PYGB: variants seen among roughly 807,000 people sequenced by gnomAD.
The protein encoded by PYGB is glycogen phosphorylase, brain form.
In PYGB, 82 loss-of-function variants were observed where a neutral mutation model predicts 94.3. The ratio of observed to expected loss-of-function variants is 0.87; its 90% CI spans 0.73 to 1.04. The LOEUF (loss-of-function observed/expected upper bound fraction) is 1.04. Ranked by LOEUF, PYGB falls within the 50% of genes least tolerant of loss-of-function variation. PYGB has a pLI of 0.00. For synonymous variants in PYGB, 488 were observed against 479.1 expected (o/e 1.02, Z -0.24); for missense variants, 1,132 against 1,158.2 (o/e 0.98, Z 0.33).
intron 1 of PYGB, among the ~76,000 whole-genome samples, 174 bp downstream of exon 1, chr20:25,248,595 C>A (rs2273473): frequency 6.6e-6 from 1 of 151,816 alleles, no homozygotes; most frequent in Non-Finnish European, 1.5e-5. Context: ...GTCGGCGGGG[C>A]CCGGGCGTCC....
At chr20:25,269,922 C>T (rs1199476608) in intron 3 of PYGB, among the ~76,000 whole-genome samples, 1 of 152,198 alleles carries the variant, frequency 6.6e-6, no homozygotes, top group African/African-American at 2.4e-5. Context: ...CTCCCTCCAT[C>T]CTTCTCCATG....
At chr20:25,289,655 GAAAA>G (rs376975502) in intron 15 of PYGB, among the ~76,000 whole-genome samples, 1 of 145,738 alleles carries the variant, frequency 6.9e-6, no homozygotes, top group Non-Finnish European at 1.5e-5. Flanking sequence ...GCAAAAAAAA[GAAAA>G]AAAAAAGAAG....
intron 2 of PYGB, among the ~76,000 whole-genome samples, chr20:25,261,890 A>T (rs563635153): frequency 6.6e-6 from 1 of 152,242 alleles, no homozygotes; most frequent in East Asian, 1.9e-4. Flanking sequence ...GTGATTGAAG[A>T]TCAAATGAAT....
chr20:25,266,321 GT>G (rs1437199290), intron 2 of PYGB, among the ~76,000 whole-genome samples: 2 of 151,848 alleles, frequency 1.3e-5, no homozygotes, highest in African/African-American at 4.8e-5. Context: ...TCAACAAATG[GT>G]ATTGGGATAT....
At chr20:25,288,120 A>G in intron 14 of PYGB, 1 of 505,044 alleles carries the variant, frequency 2.0e-6, no homozygotes, top group Non-Finnish European at 3.6e-6. Context: ...GCCCCGGGGA[A>G]TAGCATCTTT....
At chr20:25,262,792 CA>C (rs967844777) in intron 2 of PYGB, among the ~76,000 whole-genome samples, 8 of 150,992 alleles carry the variant, frequency 5.3e-5, no homozygotes, top group South Asian at 2.1e-4. Context: ...AAATGGAAAA[CA>C]AAAAAAAGCA....
chr20:25,274,739 T>G lies in PYGB; in HGVS notation c.660+16T>G. 1 of 1,609,536 alleles carries G rather than the reference T, an allele frequency of 6.2e-7. No individual in the cohort carries two copies. The highest frequency in any genetic ancestry group is 8.5e-7 in the Non-Finnish European group (1 of 1,178,842). On this transcript the variant is annotated intron_variant, in intron 5 of 19. Transcript: ENST00000216962. ...GGACACACAGGTACCTGGGCTGAAA[T>G]GTCTGCGGGCAAGGCTGGAGCCAGG...
intron 14 of PYGB, among the ~76,000 whole-genome samples, chr20:25,286,740 T>G (rs1377030120): frequency 6.6e-6 from 1 of 152,142 alleles, no homozygotes; most frequent in Non-Finnish European, 1.5e-5. Context: ...GAGAGGCGCT[T>G]GCCCAAACCT....
At chr20:25,281,182 C>A (rs1310569210) in intron 11 of PYGB, 70 bp downstream of exon 11, 2 of 1,565,854 alleles carry the variant, frequency 1.3e-6, no homozygotes, top group Non-Finnish European at 8.7e-7. Flanking sequence ...GGACCATCCA[C>A]CAAACACATG....
At chr20:25,277,457 G>T (rs765751839) in intron 7 of PYGB, 131 bp downstream of exon 7, 2 of 778,442 alleles carry the variant, frequency 2.6e-6, no homozygotes, top group African/African-American at 3.5e-5. Context: ...TGGCCCTCTC[G>T]CCTTAGGTGC....
At chr20:25,258,437 A>G (rs1030761342) in intron 1 of PYGB, among the ~76,000 whole-genome samples, 2 of 152,268 alleles carry the variant, frequency 1.3e-5, no homozygotes, top group African/African-American at 4.8e-5. Context: ...AAAACCACCA[A>G]AGCAATTAGT....
At chr20:25,293,239 G>A (rs1011927317) in intron 17 of PYGB, among the ~76,000 whole-genome samples, 3 of 151,980 alleles carry the variant, frequency 2.0e-5, no homozygotes, top group African/African-American at 4.8e-5. Context: ...GCGCCCCTCC[G>A]TTGGCTGCAC....
intron 11 of PYGB, 121 bp downstream of exon 11, chr20:25,281,233 TGCC>T: frequency 7.5e-7 from 1 of 1,326,834 alleles, no homozygotes; most frequent in South Asian, 1.4e-5. Context: ...ACTAGGCCCC[TGCC>T]TCCATAGGAA....
intron 16 of PYGB, 89 bp from the exon 17 acceptor site, chr20:25,292,317 T>C (rs1356993525): frequency 1.4e-6 from 2 of 1,461,218 alleles, no homozygotes; most frequent in Admixed American, 1.7e-5. Flanking sequence ...CAGCCCCGGG[T>C]GGATGGGCCG....
chr20:25,290,742 C>A, intron 16 of PYGB, 120 bp downstream of exon 16: 1 of 1,398,156 alleles, frequency 7.2e-7, no homozygotes, highest in Non-Finnish European at 9.9e-7. Context: ...CAGACCTAGC[C>A]AGCCGGGCTG....
intron 4 of PYGB, among the ~76,000 whole-genome samples, chr20:25,271,961 G>A (rs1163828701): frequency 6.6e-6 from 1 of 152,230 alleles, no homozygotes. Context: ...TGAGGGGACA[G>A]TGTCCTTGGG....
chr20:25,264,081 T>C (rs560605601), intron 2 of PYGB, among the ~76,000 whole-genome samples: 5 of 152,146 alleles, frequency 3.3e-5, no homozygotes, highest in Non-Finnish European at 7.3e-5. Context: ...TTATCCACCA[T>C]GATCAAGTGG....
At chr20:25,254,713 T>A (rs2092898376) in intron 1 of PYGB, among the ~76,000 whole-genome samples, 1 of 152,224 alleles carries the variant, frequency 6.6e-6, no homozygotes, top group South Asian at 2.1e-4. Context: ...ACGGTCCAGA[T>A]CACTTAGTGT....
intron 2 of PYGB, among the ~76,000 whole-genome samples, chr20:25,263,048 A>G (rs1225474125): frequency 1.3e-5 from 2 of 152,180 alleles, no homozygotes; most frequent in Non-Finnish European, 2.9e-5. Flanking sequence ...TCAACATTAG[A>G]CAGATCAACG....
Sources: gnomAD v4.1 joint callset for allele counts (sites outside exome capture counted in the v4.1 genomes callset) on GRCh38, gnomAD v4.1.1 for gene constraint, MANE v1.5 for transcripts, NCBI Gene and HGNC (gene_info 2026-07-23, HGNC 2026-07-21) for gene names.